Variants in CDH23 observed in about 807,000 individuals in gnomAD.
CDH23 encodes cadherin-23.
In CDH23, 189 loss-of-function variants were observed where a neutral mutation model predicts 317.1. The observed-to-expected ratio is 0.60, with a 90% CI of 0.53 to 0.67. The LOEUF (loss-of-function observed/expected upper bound fraction) is 0.67. Among genes scored for constraint, CDH23 ranks in the 30% least tolerant of loss-of-function variants. CDH23 has a pLI of 0.00. For missense variants in CDH23, 4,401 were observed against 4,592.4 expected (o/e 0.96, Z 1.20); for synonymous variants, 1,839 against 1,876.8 (o/e 0.98, Z 0.52).
intron 3 of CDH23, among the ~76,000 whole-genome samples, chr10:71,497,590 C>T (rs1442228495): frequency 6.6e-6 from 1 of 152,194 alleles, no homozygotes; most frequent in African/African-American, 2.4e-5. Context: ...AGATTGTAAA[C>T]CCTTGGGAGC....
At chr10:71,587,053 C>A (rs1046013495) in intron 9 of CDH23, among the ~76,000 whole-genome samples, 1 of 152,218 alleles carries the variant, frequency 6.6e-6, no homozygotes, top group Non-Finnish European at 1.5e-5. Context: ...CAGCTACATA[C>A]GTCATCTCTC....
intron 35 of CDH23, 92 bp from the exon 36 acceptor site, chr10:71,739,552 T>C: frequency 6.7e-7 from 1 of 1,486,550 alleles, no homozygotes; most frequent in Non-Finnish European, 9.1e-7. Context: ...AGGGCCCACG[T>C]GGGCAGAGGA....
intron 7 of CDH23, among the ~76,000 whole-genome samples, chr10:71,567,749 G>A (rs111256811): frequency 6.6e-6 from 1 of 152,152 alleles, no homozygotes; most frequent in African/African-American, 2.4e-5. Context: ...CCCCCTACCC[G>A]CCCCCTCTCC....
chr10:71,805,338 A>C (rs1159195400), intron 55 of CDH23, among the ~76,000 whole-genome samples: 1 of 151,888 alleles, frequency 6.6e-6, no homozygotes, highest in Non-Finnish European at 1.5e-5. Flanking sequence ...TGTCCCCCCC[A>C]TTTTCAGGTA....
chr10:71,784,790 T>C (rs1841052499), intron 42 of CDH23, 101 bp from the exon 43 acceptor site: 1 of 856,648 alleles, frequency 1.2e-6, no homozygotes, highest in Non-Finnish European at 2.0e-6. Context: ...AACTGCACCC[T>C]CCCTCCCTCC....
intron 56 of CDH23, 54 bp from the exon 57 acceptor site, chr10:71,806,114 C>T: frequency 6.5e-7 from 1 of 1,533,254 alleles, no homozygotes; most frequent in Non-Finnish European, 8.8e-7. Context: ...GGGAAGTCCC[C>T]AAGCCAATCC....
At chr10:71,662,413 C>T (rs1212279183) in intron 14 of CDH23, among the ~76,000 whole-genome samples, 1 of 152,142 alleles carries the variant, frequency 6.6e-6, no homozygotes, top group African/African-American at 2.4e-5. Context: ...TCCCACTAGA[C>T]TGGGGGCTGC....
At chr10:71,700,586 G>A (rs1811516540) in intron 22 of CDH23, among the ~76,000 whole-genome samples, 1 of 152,202 alleles carries the variant, frequency 6.6e-6, no homozygotes, top group African/African-American at 2.4e-5. Flanking sequence ...CTGAGGCAAT[G>A]TGCCCACAGC....
At chr10:71,766,015 G>A (rs927793110) in intron 38 of CDH23, among the ~76,000 whole-genome samples, 2 of 152,188 alleles carry the variant, frequency 1.3e-5, no homozygotes, top group African/African-American at 4.8e-5. Context: ...GACACTCGAA[G>A]GCATGGCATG....
In CDH23 at chr10:71,580,784, C is replaced by T. The variant is rs371837281; in HGVS notation, c.832+2792C>T. Among the ~76,000 whole-genome samples the T allele has an allele frequency of 3.2e-4, 49 of 152,250 alleles. No individual in the cohort carries two copies. The South Asian group carries it at 3.7e-3, about 12-fold the overall frequency. On this transcript the variant is annotated intron_variant, in intron 9 of 69. Transcript: ENST00000224721. ...GGTAATGAGCCCCTTGAGCAAATGA[C>T]AGCCCTGCTCTTTCTTACCTAGGTA...
intron 38 of CDH23, among the ~76,000 whole-genome samples, chr10:71,772,338 G>C (rs944761581): frequency 3.3e-5 from 5 of 152,138 alleles, no homozygotes; most frequent in African/African-American, 1.2e-4. Flanking sequence ...CCTGTGCCAA[G>C]CCCTCCACCT....
chr10:71,532,048 C>A (rs1855402171), intron 6 of CDH23, among the ~76,000 whole-genome samples: 1 of 152,060 alleles, frequency 6.6e-6, no homozygotes, highest in Admixed American at 6.5e-5. Context: ...TCAGAGAGAC[C>A]CCAGAGCAAA....
intron 27 of CDH23, 72 bp from the exon 28 acceptor site, chr10:71,712,593 T>C: frequency 1.9e-6 from 3 of 1,562,974 alleles, no homozygotes; most frequent in South Asian, 2.3e-5. Flanking sequence ...TGCCCGGGAG[T>C]GTGCAAAGTC....
At chr10:71,749,194 A>G (rs1564773309) in intron 38 of CDH23, 1 of 152,296 alleles carries the variant, frequency 6.6e-6, no homozygotes, top group Non-Finnish European at 1.5e-5. Context: ...GAGAACCGGA[A>G]TCTGGGCTGT....
chr10:71,483,024 G>A (rs1852152257), intron 3 of CDH23, among the ~76,000 whole-genome samples: 1 of 152,246 alleles, frequency 6.6e-6, no homozygotes, highest in Non-Finnish European at 1.5e-5. Context: ...AGCATCTTCA[G>A]CTGCAGTTTT....
chr10:71,596,200 A>T (rs1488050290), intron 9 of CDH23, among the ~76,000 whole-genome samples: 1 of 152,036 alleles, frequency 6.6e-6, no homozygotes, highest in Non-Finnish European at 1.5e-5. Flanking sequence ...CATAATTAGG[A>T]TGTCGGTGGG....
intron 18 of CDH23, among the ~76,000 whole-genome samples, chr10:71,687,048 G>C (rs1358350310): frequency 1.3e-5 from 2 of 152,182 alleles, no homozygotes; most frequent in African/African-American, 4.8e-5. Context: ...AACTGACAGG[G>C]GTGGGGCTCT....
chr10:71,704,099 C>G (rs1865690699), intron 24 of CDH23, among the ~76,000 whole-genome samples: 1 of 152,148 alleles, frequency 6.6e-6, no homozygotes, highest in Non-Finnish European at 1.5e-5. Flanking sequence ...TACTGAGCCC[C>G]CCGTCCTGGA....
chr10:71,659,960 GTTTTTTTTT>G (rs5786047), intron 14 of CDH23, among the ~76,000 whole-genome samples: 10 of 119,530 alleles, frequency 8.4e-5, no homozygotes, highest in Admixed American at 7.1e-4. Context: ...CTTTCTTTCC[GTTTTTTTTT>G]TTTTTTTTTT....
Sources: allele counts gnomAD v4.1 joint callset (sites outside exome capture counted in the v4.1 genomes callset), GRCh38; gene constraint gnomAD v4.1.1; transcripts MANE v1.5; gene names NCBI Gene and HGNC (gene_info 2026-07-23, HGNC 2026-07-21).